The following DTNBP1 variants were observed in gnomAD, a reference collection of about 807,000 sequenced individuals.
DTNBP1 encodes the protein dystrobrevin binding protein 1.
DTNBP1 carries 35 observed loss-of-function variants against 42.8 expected under a neutral mutation model. The observed-to-expected ratio is 0.82, with a 90% CI of 0.63 to 1.09. The LOEUF (loss-of-function observed/expected upper bound fraction) is 1.09, where lower values mean the gene tolerates loss of function less well. DTNBP1 is among the 50% of genes least tolerant of loss of function. The probability of loss-of-function intolerance (pLI) is 0.00; values close to 1 mark genes in which losing one functional copy is unlikely to be tolerated. For missense variants in DTNBP1, 457 were observed against 424.2 expected, an observed-to-expected ratio of 1.08 and a Z score of -0.68; for synonymous variants, 171 against 162.2, an observed-to-expected ratio of 1.05 and a Z score of -0.41.
chr6:15,609,947 C>T (rs1038901451), intron 6 of DTNBP1, among the ~76,000 whole-genome samples: 4 of 152,134 alleles, frequency 2.6e-5, no homozygotes, highest in South Asian at 2.1e-4. Flanking sequence ...TCCATTCTTC[C>T]GCACAGGGGA....
intron 7 of DTNBP1, among the ~76,000 whole-genome samples, chr6:15,568,279 T>A (rs1002923939): frequency 3.9e-5 from 6 of 152,234 alleles, no homozygotes; most frequent in Admixed American, 3.3e-4. Context: ...TTTAGAGATA[T>A]CCTTTCGTCC....
chr6:15,619,552 A>G (rs1758919898), intron 5 of DTNBP1, among the ~76,000 whole-genome samples: 1 of 152,176 alleles, frequency 6.6e-6, no homozygotes, highest in Non-Finnish European at 1.5e-5. Context: ...TCAAAAACAA[A>G]AAATGTTTGA....
In DTNBP1 at chr6:15,643,693, T is replaced by C. The variant is rs551250363; in HGVS notation, c.162-5889A>G. 2.3e-3 allele frequency among the ~76,000 whole-genome samples: 350 copies of C among 152,192 alleles called. 2 individuals are homozygous for C. Among genetic ancestry groups the C allele is most frequent in the African/African-American group, 8.1e-3 (337 of 41,520 alleles). On this transcript the variant is annotated intron_variant, in intron 3 of 9. Coordinates refer to ENST00000344537, the MANE Select transcript of DTNBP1 (RefSeq NM_032122.5). ...ATTTTATATCCTGTTCATCTAAGCTTCATAAACAAAGAAGAAATGAAATCT... is the reference window on the plus strand; with the variant it reads ...ATTTTATATCCTGTTCATCTAAGCTCCATAAACAAAGAAGAAATGAAATCT...
At chr6:15,528,518 C>T (rs927656544) in intron 8 of DTNBP1, among the ~76,000 whole-genome samples, 6 of 152,094 alleles carry the variant, frequency 3.9e-5, no homozygotes, top group Non-Finnish European at 8.8e-5. Context: ...CAGGGACGGG[C>T]GGCAGAAGAA....
chr6:15,618,956 T>C (rs1758879809), intron 5 of DTNBP1, among the ~76,000 whole-genome samples: 2 of 152,192 alleles, frequency 1.3e-5, no homozygotes, highest in African/African-American at 4.8e-5. Flanking sequence ...GACATTATGT[T>C]AAGTGAAATA....
chr6:15,578,282 G>C (rs879538575), intron 7 of DTNBP1, among the ~76,000 whole-genome samples: 1 of 152,214 alleles, frequency 6.6e-6, no homozygotes, highest in Non-Finnish European at 1.5e-5. Context: ...TGAAATCAGA[G>C]GAAAGCAATG....
chr6:15,539,438 T>C (rs1773433099), intron 7 of DTNBP1, among the ~76,000 whole-genome samples: 2 of 152,222 alleles, frequency 1.3e-5, no homozygotes, highest in African/African-American at 4.8e-5. Flanking sequence ...CTGGTCTACC[T>C]CTACGTTCAG....
chr6:15,542,424 T>C (rs1312978136), intron 7 of DTNBP1, among the ~76,000 whole-genome samples: 2 of 152,134 alleles, frequency 1.3e-5, no homozygotes, highest in Non-Finnish European at 2.9e-5. Context: ...CAGGCTGGAG[T>C]GCAGTGGTAC....
At chr6:15,523,503 AAAG>A (rs1772073116) in intron 9 of DTNBP1, 2 of 1,284,374 alleles carry the variant, frequency 1.6e-6, no homozygotes, top group Admixed American at 6.0e-5. Context: ...ATAGAGGCCC[AAAG>A]GCAAGTGCTG....
chr6:15,593,324 AATCTAAACAATTTC>A (rs1018411116), intron 6 of DTNBP1, among the ~76,000 whole-genome samples: 1 of 152,204 alleles, frequency 6.6e-6, no homozygotes, highest in African/African-American at 2.4e-5. Context: ...TCCAAATAAT[AATCTAAACAATTTC>A]ATCTAAACAA....
intron 9 of DTNBP1, chr6:15,524,295 G>GT (rs769298397): frequency 9.3e-6 from 15 of 1,610,040 alleles, no homozygotes; most frequent in Non-Finnish European, 1.3e-5. Flanking sequence ...ACTCACCAAA[G>GT]TTACCGGAGT....
At chr6:15,651,571 T>C (rs961587275) in intron 2 of DTNBP1, among the ~76,000 whole-genome samples, 2 of 152,170 alleles carry the variant, frequency 1.3e-5, no homozygotes, top group African/African-American at 4.8e-5. Flanking sequence ...GCCCCAGAGA[T>C]TCTCTTCAGC....
At chr6:15,610,886 A>AT (rs1322500849) in intron 6 of DTNBP1, among the ~76,000 whole-genome samples, 10 of 152,278 alleles carry the variant, frequency 6.6e-5, no homozygotes, top group African/African-American at 2.4e-4. Flanking sequence ...AGTCATCTCC[A>AT]TAACAGCAAA....
At chr6:15,537,991 G>A (rs1300525432) in intron 7 of DTNBP1, among the ~76,000 whole-genome samples, 1 of 152,178 alleles carries the variant, frequency 6.6e-6, no homozygotes, top group Non-Finnish European at 1.5e-5. Flanking sequence ...TTCTAAACTT[G>A]CTTTTAGATC....
At chr6:15,584,028 T>A (rs1775950142) in intron 7 of DTNBP1, among the ~76,000 whole-genome samples, 1 of 152,148 alleles carries the variant, frequency 6.6e-6, no homozygotes, top group Admixed American at 6.5e-5. Context: ...GTCTTAGAAA[T>A]AAACTGTCTT....
At position 15,522,915 on chromosome 6, in the gene DTNBP1, G is replaced by C. The variant is rs1226406381; in HGVS notation, c.*60C>G. The C allele has an allele frequency of 1.2e-6, 2 of 1,613,958 alleles. No homozygotes were observed. Among genetic ancestry groups the C allele is most frequent in the Admixed American group, 3.3e-5 (2 of 60,028 alleles). ...ATAAAACAACCTGGCTTTCCAGGTG[G>C]AATTCCGCATACAGCCAAAACTGGA... On this transcript the variant is annotated 3_prime_UTR_variant, in exon 10 of 10. Transcript: ENST00000344537.
chr6:15,596,053 G>A (rs777720014), intron 6 of DTNBP1, among the ~76,000 whole-genome samples: 18 of 152,164 alleles, frequency 1.2e-4, no homozygotes, highest in Non-Finnish European at 2.6e-4. Flanking sequence ...GGGGGCACGT[G>A]GGGAAGAGCT....
At chr6:15,606,760 T>C (rs952998018) in intron 6 of DTNBP1, among the ~76,000 whole-genome samples, 28 of 152,184 alleles carry the variant, frequency 1.8e-4, no homozygotes, top group African/African-American at 6.5e-4. Context: ...TTCTATCACA[T>C]ATTATCGTTT....
At position 15,652,089 on chromosome 6, in the gene DTNBP1, G is replaced by C. The variant is rs368338449; in HGVS notation, c.108C>G (p.Pro36=). ...KSREAKVKSK[P]RTVPFLPKYS... is the part of the protein sequence containing the mutation. Reference sequence around the variant, plus strand: ...TTAAAATCTTAGCACAAGCTTACCTGGGTTTGCTTTTCACTTTTGCTTCTC... The same window carrying C: ...TTAAAATCTTAGCACAAGCTTACCTCGGTTTGCTTTTCACTTTTGCTTCTC... Residue 36 remains proline (P), a splice_region_variant and synonymous_variant, in exon 2 of 10, where the codon CCC becomes CCG. Coordinates refer to ENST00000344537, the MANE Select transcript of DTNBP1 (RefSeq NM_032122.5). The C allele has an allele frequency of 7.4e-6, 12 of 1,612,486 alleles. No homozygotes were observed. In the African/African-American group the frequency reaches 1.2e-4, roughly 16 times the overall value.
Sources: allele counts gnomAD v4.1 joint callset (sites outside exome capture counted in the v4.1 genomes callset), GRCh38; gene constraint gnomAD v4.1.1; transcripts MANE v1.5; gene names NCBI Gene and HGNC (gene_info 2026-07-23, HGNC 2026-07-21).